The following BCL7C variants were observed in gnomAD, a reference collection of about 807,000 sequenced individuals.
BCL7C encodes B-cell CLL/lymphoma 7 protein family member C.
A neutral mutation model predicts 26.2 loss-of-function variants in BCL7C; 8 were observed. The observed-to-expected ratio is 0.30, with a 90% confidence interval of 0.18 to 0.55. The LOEUF (loss-of-function observed/expected upper bound fraction) is 0.55. Ranked by LOEUF, BCL7C falls within the 20% of genes least tolerant of loss-of-function variation. The pLI is 0.93. For synonymous variants in BCL7C, 90 were observed against 116.5 expected (o/e 0.77, Z 1.47); for missense variants, 262 against 298.5 (o/e 0.88, Z 0.90).
intron 5 of BCL7C, among the ~76,000 whole-genome samples, chr16:30,872,417 C>G (rs1567316563): frequency 1.3e-5 from 2 of 152,048 alleles, no homozygotes; most frequent in Non-Finnish European, 2.9e-5. Context: ...GAAAGTGATG[C>G]CAGTAGCAAC....
At chr16:30,835,897 A>C (rs1475765470) in intron 5 of BCL7C, among the ~76,000 whole-genome samples, 1 of 152,044 alleles carries the variant, frequency 6.6e-6, no homozygotes, top group Non-Finnish European at 1.5e-5. Context: ...TTAGCCTGTT[A>C]TCCCAGCACT....
At chr16:30,835,920 CCAAA>C (rs2054566653) in intron 5 of BCL7C, among the ~76,000 whole-genome samples, 1 of 151,612 alleles carries the variant, frequency 6.6e-6, no homozygotes, top group Non-Finnish European at 1.5e-5. Flanking sequence ...GGGAGGGAGG[CCAAA>C]CAAAGCAGGA....
At chr16:30,857,014 C>T in intron 5 of BCL7C, among the ~76,000 whole-genome samples, 1 of 152,126 alleles carries the variant, frequency 6.6e-6, no homozygotes, top group East Asian at 1.9e-4. Flanking sequence ...GTTGTCACTG[C>T]CTGTTTTTGT....
chr16:30,835,864 T>G (rs762865564), intron 5 of BCL7C, among the ~76,000 whole-genome samples: 2 of 150,084 alleles, frequency 1.3e-5, no homozygotes, highest in Non-Finnish European at 3.0e-5. Context: ...AAAGAAAAAA[T>G]TTTTTTAGCA....
intron 5 of BCL7C, among the ~76,000 whole-genome samples, chr16:30,843,380 G>A (rs1209979521): frequency 6.6e-6 from 1 of 152,092 alleles, no homozygotes; most frequent in African/African-American, 2.4e-5. Flanking sequence ...GGGCAACATA[G>A]TGAGACCTTG....
chr16:30,880,105 G>A (rs986993332), intron 5 of BCL7C, among the ~76,000 whole-genome samples: 1 of 151,766 alleles, frequency 6.6e-6, no homozygotes, highest in Non-Finnish European at 1.5e-5. Flanking sequence ...AGTGAGCTAT[G>A]ATCTAAAACA....
intron 5 of BCL7C, among the ~76,000 whole-genome samples, chr16:30,849,756 TTTTC>T (rs929736426): frequency 1.6e-4 from 7 of 42,846 alleles, no homozygotes; most frequent in Non-Finnish European, 3.5e-4. Flanking sequence ...TGGCCTCCTT[TTTTC>T]TTTTTTTTTT....
chr16:30,846,232 A>ATTTATTTATTTT (rs2054634574), intron 5 of BCL7C, among the ~76,000 whole-genome samples: 1 of 144,336 alleles, frequency 6.9e-6, no homozygotes, highest in South Asian at 2.2e-4. Flanking sequence ...TTATTTATTT[A>ATTTATTTATTTT]TTTATTTTTT....
intron 5 of BCL7C, among the ~76,000 whole-genome samples, chr16:30,876,665 G>A (rs2054954714): frequency 1.3e-5 from 2 of 152,152 alleles, no homozygotes; most frequent in African/African-American, 4.8e-5. Flanking sequence ...AACCTTGGAG[G>A]AGGTGAAATC....
chr16:30,869,335 A>G, intron 5 of BCL7C, among the ~76,000 whole-genome samples: 1 of 151,504 alleles, frequency 6.6e-6, no homozygotes, highest in East Asian at 1.9e-4. Flanking sequence ...CAGCCTCCTG[A>G]GTAGCTGGGA....
At chr16:30,853,157 C>T (rs201898610) in intron 5 of BCL7C, among the ~76,000 whole-genome samples, 1 of 152,150 alleles carries the variant, frequency 6.6e-6, no homozygotes, top group South Asian at 2.1e-4. Context: ...AGGCTGGTCT[C>T]GAACTCCTGA....
intron 5 of BCL7C, among the ~76,000 whole-genome samples, chr16:30,849,792 G>A (rs928215579): frequency 4.8e-5 from 7 of 147,112 alleles, no homozygotes; most frequent in Non-Finnish European, 1.0e-4. Context: ...GGGTCTTTCT[G>A]TCACTCAGGC....
intron 5 of BCL7C, among the ~76,000 whole-genome samples, chr16:30,843,540 G>A (rs1567307833): frequency 6.6e-6 from 1 of 151,606 alleles, no homozygotes; most frequent in African/African-American, 2.4e-5. Flanking sequence ...CAGTCTCGGT[G>A]ACAGAGTGAG....
At chr16:30,875,601 C>T (rs1291947631) in intron 5 of BCL7C, 1 of 152,248 alleles carries the variant, frequency 6.6e-6, no homozygotes, top group Non-Finnish European at 1.5e-5. Flanking sequence ...AGTCCAGCCG[C>T]ACCTACCCGT....
intron 5 of BCL7C, among the ~76,000 whole-genome samples, chr16:30,880,428 G>A (rs1172066545): frequency 2.0e-5 from 3 of 151,510 alleles, no homozygotes; most frequent in South Asian, 2.1e-4. Context: ...GGCTGGGCGC[G>A]GTGGCTCATG....
intron 5 of BCL7C, among the ~76,000 whole-genome samples, chr16:30,867,401 G>T (rs1172285972): frequency 1.3e-5 from 2 of 152,092 alleles, no homozygotes; most frequent in Non-Finnish European, 2.9e-5. Context: ...CCTAACCCCT[G>T]GAACATGTGA....
At chr16:30,867,590 C>T (rs1397504101) in intron 5 of BCL7C, among the ~76,000 whole-genome samples, 1 of 151,988 alleles carries the variant, frequency 6.6e-6, no homozygotes, top group Non-Finnish European at 1.5e-5. Context: ...GTCAGGAGTT[C>T]GAGACCAGCC....
At chr16:30,857,618 G>GTGGTGTT (rs1319764303) in intron 5 of BCL7C, among the ~76,000 whole-genome samples, 1 of 152,068 alleles carries the variant, frequency 6.6e-6, no homozygotes, top group Non-Finnish European at 1.5e-5. Flanking sequence ...AGCAGAGCAA[G>GTGGTGTT]TTAAAACACC....
At chr16:30,876,658 C>G (rs775863894) in intron 5 of BCL7C, among the ~76,000 whole-genome samples, 1 of 151,984 alleles carries the variant, frequency 6.6e-6, no homozygotes, top group Non-Finnish European at 1.5e-5. Flanking sequence ...GTCAGGGAAC[C>G]TTGGAGGAGG....
Sources: gnomAD v4.1 joint callset for allele counts (sites outside exome capture counted in the v4.1 genomes callset) on GRCh38, gnomAD v4.1.1 for gene constraint, MANE v1.5 for transcripts, NCBI Gene and HGNC (gene_info 2026-07-23, HGNC 2026-07-21) for gene names.